The following ARHGEF11 variants were observed in gnomAD, a reference collection of about 807,000 sequenced individuals.
The protein encoded by ARHGEF11 is Rho guanine exchange factor (GEF) 11.
Under a neutral mutation model 193.7 loss-of-function variants are expected in ARHGEF11, and 55 were observed. The observed-to-expected ratio is 0.28, with a 90% CI of 0.23 to 0.36. ARHGEF11 has a LOEUF of 0.36. Ranked by LOEUF, ARHGEF11 falls within the 10% of genes least tolerant of loss-of-function variation. The probability of loss-of-function intolerance (pLI) is 1.00; values close to 1 mark genes in which losing one functional copy is unlikely to be tolerated. For missense variants in ARHGEF11, 1,723 were observed against 2,005.6 expected (o/e 0.86, Z 2.69); for synonymous variants, 693 against 768.0 (o/e 0.90, Z 1.62).
At chr1:156,955,358 G>T (rs1049107974) in intron 20 of ARHGEF11, among the ~76,000 whole-genome samples, 2 of 152,128 alleles carry the variant, frequency 1.3e-5, no homozygotes, top group African/African-American at 4.8e-5. Context: ...TGTGTGCTAG[G>T]ACCAATTATA....
Position 156,945,121 on chromosome 1 carries a change from C to T in ARHGEF11, c.2889G>A (p.Ala963=), listed in dbSNP as rs763785416. Residue 963 remains alanine (A), a synonymous_variant, in exon 30 of 41, where the codon GCG becomes GCA. Coordinates refer to ENST00000368194, the MANE Select transcript of ARHGEF11 (RefSeq NM_198236.3). ...CREILKYVNE[A]VKQTENRHRL... ...GGTGGCGGTTCTCTGTTTGTTTTAC[C>T]GCTTCATTCACATACTTGAGAATCT... 11 of 1,614,068 alleles carry T rather than the reference C, an allele frequency of 6.8e-6. No individual in the cohort carries two copies. The highest frequency in any genetic ancestry group is 1.6e-4 in the Middle Eastern group (1 of 6,084).
intron 2 of ARHGEF11, 52 bp from the exon 3 acceptor site, chr1:156,984,489 T>TAC: frequency 7.0e-7 from 1 of 1,435,598 alleles, no homozygotes; most frequent in Non-Finnish European, 9.6e-7. Context: ...GAGGTTAGTG[T>TAC]ACACATGCCA....
At position 157,003,372 on chromosome 1, in the gene ARHGEF11, C is replaced by G. The variant is rs145857575; in HGVS notation, c.33-17199G>C. Among the ~76,000 whole-genome samples, 4 of 152,330 alleles carry G rather than the reference C, an allele frequency of 2.6e-5. No individual in the cohort carries two copies. The East Asian group carries it at 7.7e-4, about 29-fold the overall frequency. ...ATGCCAGTGTTCTAAAACCTCAGAT[C>G]ACAAATTCAGGAGGGCAGGGACTAG... is the stretch of plus-strand genomic sequence containing the variant. On this transcript the variant is annotated intron_variant, in intron 1 of 40. Coordinates refer to ENST00000368194, the MANE Select transcript of ARHGEF11 (RefSeq NM_198236.3).
At chr1:156,995,842 C>T (rs563622297) in intron 1 of ARHGEF11, among the ~76,000 whole-genome samples, 15 of 152,056 alleles carry the variant, frequency 9.9e-5, no homozygotes, top group African/African-American at 2.2e-4. Flanking sequence ...TGTGCCCGGC[C>T]GGTTTGGGTG....
intron 11 of ARHGEF11, among the ~76,000 whole-genome samples, chr1:156,966,288 G>C (rs1661659717): frequency 6.6e-6 from 1 of 152,204 alleles, no homozygotes; most frequent in Non-Finnish European, 1.5e-5. Context: ...AAGAACTCCA[G>C]AAAGTAGCTT....
intron 1 of ARHGEF11, among the ~76,000 whole-genome samples, chr1:157,022,304 T>G (rs889531386): frequency 6.6e-6 from 1 of 152,012 alleles, no homozygotes; most frequent in Non-Finnish European, 1.5e-5. Context: ...CAAAACCTAT[T>G]ACAATAAAAA....
chr1:156,985,979 T>A, intron 2 of ARHGEF11, 103 bp downstream of exon 2: 1 of 930,552 alleles, frequency 1.1e-6, no homozygotes, highest in Non-Finnish European at 1.7e-6. Context: ...ACCAGAGCTC[T>A]TCGGCTCAAG....
At chr1:156,947,227 C>G (rs999702984) in intron 26 of ARHGEF11, 77 bp downstream of exon 26, 1 of 1,548,074 alleles carries the variant, frequency 6.5e-7, no homozygotes, top group African/African-American at 1.4e-5. Context: ...TCAGGGAGGT[C>G]CTGGCAGTGG....
chr1:157,014,848 T>TCCTA (rs1669006610), intron 1 of ARHGEF11, among the ~76,000 whole-genome samples: 1 of 152,226 alleles, frequency 6.6e-6, no homozygotes, highest in Non-Finnish European at 1.5e-5. Flanking sequence ...TGCTACTTTA[T>TCCTA]CCTACCCTTC....
intron 1 of ARHGEF11, among the ~76,000 whole-genome samples, chr1:156,987,457 G>GTGTTTATATA (rs1431865085): frequency 6.6e-6 from 1 of 152,110 alleles, no homozygotes; most frequent in Non-Finnish European, 1.5e-5. Flanking sequence ...ATAAAATTAT[G>GTGTTTATATA]TGTTTATATA....
At chr1:157,011,093 T>C (rs1388399703) in intron 1 of ARHGEF11, among the ~76,000 whole-genome samples, 1 of 152,220 alleles carries the variant, frequency 6.6e-6, no homozygotes, top group Non-Finnish European at 1.5e-5. Context: ...TTTCAAGATC[T>C]ACCAGAAAGC....
chr1:156,997,448 A>G (rs1666680083), intron 1 of ARHGEF11, among the ~76,000 whole-genome samples: 1 of 152,220 alleles, frequency 6.6e-6, no homozygotes, highest in Admixed American at 6.5e-5. Flanking sequence ...CTTTAAAAAG[A>G]TAAGTCTGAC....
chr1:156,970,322 C>A (rs139588876), intron 8 of ARHGEF11, among the ~76,000 whole-genome samples: 15 of 152,114 alleles, frequency 9.9e-5, no homozygotes, highest in African/African-American at 3.6e-4. Context: ...TATTTGGATA[C>A]AAGAAAGAAC....
chr1:156,955,592 G>A (rs887047834), intron 20 of ARHGEF11, 111 bp downstream of exon 20: 2 of 831,600 alleles, frequency 2.4e-6, no homozygotes, highest in Non-Finnish European at 4.1e-6. Context: ...CTGAGTTTGG[G>A]CCTGTGGCTC....
intron 1 of ARHGEF11, among the ~76,000 whole-genome samples, chr1:157,028,058 G>C (rs533905677): frequency 2.0e-5 from 3 of 152,294 alleles, no homozygotes; most frequent in African/African-American, 7.2e-5. Context: ...ACAGCTGCAT[G>C]AGAGACCTCA....
intron 26 of ARHGEF11, 49 bp from the exon 27 acceptor site, chr1:156,947,064 G>A (rs772279934): frequency 6.2e-7 from 1 of 1,603,580 alleles, no homozygotes; most frequent in Non-Finnish European, 8.5e-7. Flanking sequence ...GAGCTCAACT[G>A]CCAGAACCTT....
upstream of ARHGEF11, among the ~76,000 whole-genome samples, chr1:157,046,186 C>CGACCCCGGCCCT: frequency 6.6e-6 from 1 of 151,004 alleles, no homozygotes; most frequent in Non-Finnish European, 1.5e-5. Context: ...GGCCCGCGGG[C>CGACCCCGGCCCT]GACCCCGGCC....
intron 1 of ARHGEF11, among the ~76,000 whole-genome samples, chr1:157,004,866 A>G (rs1473172864): frequency 6.6e-6 from 1 of 152,216 alleles, no homozygotes; most frequent in African/African-American, 2.4e-5. Flanking sequence ...GAAATAGGAA[A>G]CAACAACTTC....
At chr1:156,978,529 A>G in intron 5 of ARHGEF11, 147 bp from the exon 6 acceptor site, 1 of 1,331,372 alleles carries the variant, frequency 7.5e-7, no homozygotes, top group Non-Finnish European at 9.8e-7. Flanking sequence ...TGCCCCACCC[A>G]TTCTCTAATC....
Sources: gnomAD v4.1 joint callset for allele counts (sites outside exome capture counted in the v4.1 genomes callset) on GRCh38, gnomAD v4.1.1 for gene constraint, MANE v1.5 for transcripts, NCBI Gene and HGNC (gene_info 2026-07-23, HGNC 2026-07-21) for gene names.